Variants in DCDC1 observed in about 807,000 individuals in gnomAD.
DCDC1 encodes doublecortin domain containing 1, also known as doublecortin domain-containing protein 1.
In DCDC1, 200 loss-of-function variants were observed where a neutral mutation model predicts 178.3. The observed-to-expected ratio is 1.12, with a 90% CI of 1.00 to 1.26. DCDC1 has a LOEUF of 1.26. DCDC1 is among the 50% of genes most tolerant of loss of function. DCDC1 has a pLI of 0.00. For missense variants in DCDC1, 1,983 were observed against 1,749.2 expected (o/e 1.13, Z -2.38); for synonymous variants, 690 against 604.8 (o/e 1.14, Z -2.07).
intron 1 of DCDC1, among the ~76,000 whole-genome samples, chr11:31,361,861 C>G (rs1224859761): frequency 6.6e-6 from 1 of 152,194 alleles, no homozygotes; most frequent in East Asian, 1.9e-4. Context: ...AAATCCAACG[C>G]AGGAACTAAG....
chr11:30,915,459 TTAGGATCC>T (rs1229337231), intron 27 of DCDC1, 44 bp downstream of exon 27: 38 of 1,596,766 alleles, frequency 2.4e-5, no homozygotes, highest in Non-Finnish European at 3.2e-5. Context: ...GCTAGACTTA[TTAGGATCC>T]TATTCACCTT....
chr11:31,042,175 A>G (rs1264308765), intron 20 of DCDC1, among the ~76,000 whole-genome samples: 1 of 152,234 alleles, frequency 6.6e-6, no homozygotes, highest in Non-Finnish European at 1.5e-5. Context: ...ATGAGATTCA[A>G]TATTAGGATT....
intron 9 of DCDC1, among the ~76,000 whole-genome samples, chr11:31,165,039 T>C (rs1591280237): frequency 6.6e-6 from 1 of 152,186 alleles, no homozygotes; most frequent in Non-Finnish European, 1.5e-5. Flanking sequence ...TAATATGCTA[T>C]ACAGGTTTGT....
intron 20 of DCDC1, among the ~76,000 whole-genome samples, chr11:31,020,881 T>C (rs962373916): frequency 2.6e-5 from 4 of 152,132 alleles, no homozygotes; most frequent in Non-Finnish European, 4.4e-5. Context: ...CACAAAGGGG[T>C]GACTTCCCAT....
At chr11:30,965,475 C>G (rs974878846) in intron 20 of DCDC1, among the ~76,000 whole-genome samples, 2 of 151,884 alleles carry the variant, frequency 1.3e-5, no homozygotes, top group Admixed American at 1.3e-4. Flanking sequence ...GGGATGGGAC[C>G]CACACCATCC....
intron 20 of DCDC1, among the ~76,000 whole-genome samples, chr11:30,968,686 T>C (rs1449837081): frequency 1.5e-5 from 2 of 136,006 alleles, no homozygotes; most frequent in African/African-American, 2.9e-5. Context: ...TCAAATTATA[T>C]ATATCAAATT....
chr11:31,356,411 A>G (rs1164545496), intron 1 of DCDC1, among the ~76,000 whole-genome samples: 3 of 152,210 alleles, frequency 2.0e-5, no homozygotes, highest in Non-Finnish European at 4.4e-5. Flanking sequence ...ACAACACACC[A>G]GAATGTCTGG....
intron 20 of DCDC1, among the ~76,000 whole-genome samples, chr11:30,960,644 A>G (rs1949040361): frequency 6.6e-6 from 1 of 152,100 alleles, no homozygotes; most frequent in African/African-American, 2.4e-5. Context: ...CCCCTGGAGA[A>G]CTTGCTTCTA....
intron 20 of DCDC1, among the ~76,000 whole-genome samples, chr11:30,969,720 A>G (rs1013009524): frequency 1.6e-4 from 25 of 152,172 alleles, no homozygotes; most frequent in South Asian, 4.1e-4. Flanking sequence ...AGACTTTTTT[A>G]CTACAGATTT....
intron 20 of DCDC1, among the ~76,000 whole-genome samples, chr11:31,027,216 T>C (rs1181834484): frequency 1.3e-5 from 2 of 151,836 alleles, no homozygotes; most frequent in Non-Finnish European, 3.0e-5. Flanking sequence ...TTCATGTGCT[T>C]AAGGTCCAAT....
intron 15 of DCDC1, among the ~76,000 whole-genome samples, chr11:31,100,015 C>G (rs560739858): frequency 6.6e-6 from 1 of 152,076 alleles, no homozygotes; most frequent in South Asian, 2.1e-4. Flanking sequence ...CTGCACCCAG[C>G]TGATGGGCAG....
chr11:31,340,993 C>T (rs1950513249), intron 1 of DCDC1, among the ~76,000 whole-genome samples: 1 of 152,108 alleles, frequency 6.6e-6, no homozygotes, highest in African/African-American at 2.4e-5. Context: ...ATCTGGCAAG[C>T]AGTTAAGGAC....
chr11:31,306,797 T>G (rs1217564036), intron 4 of DCDC1, among the ~76,000 whole-genome samples: 1 of 152,088 alleles, frequency 6.6e-6, no homozygotes, highest in Non-Finnish European at 1.5e-5. Flanking sequence ...TAAGATTCTA[T>G]CCAAGTTTTC....
intron 9 of DCDC1, among the ~76,000 whole-genome samples, chr11:31,198,756 T>G (rs1401771088): frequency 6.6e-6 from 1 of 152,022 alleles, no homozygotes; most frequent in African/African-American, 2.4e-5. Flanking sequence ...CAGGAATAAT[T>G]TTGGAGTCTT....
At chr11:31,123,986 C>T (rs1330440027) in intron 11 of DCDC1, among the ~76,000 whole-genome samples, 1 of 152,010 alleles carries the variant, frequency 6.6e-6, no homozygotes, top group African/African-American at 2.4e-5. Context: ...AACAACATGG[C>T]TTCTTTGCAT....
chr11:31,218,861 C>T (rs184697620), intron 9 of DCDC1, among the ~76,000 whole-genome samples: 6 of 152,028 alleles, frequency 3.9e-5, no homozygotes, highest in African/African-American at 1.5e-4. Context: ...TGACAAGGTC[C>T]TAATTTTTAG....
At chr11:30,988,647 T>C (rs933182204) in intron 20 of DCDC1, among the ~76,000 whole-genome samples, 8 of 152,244 alleles carry the variant, frequency 5.3e-5, no homozygotes, top group Admixed American at 1.3e-4. Context: ...CTGGGCTGCA[T>C]TGGAGGAAGA....
chr11:31,199,021 A>G (rs987659036), intron 9 of DCDC1, among the ~76,000 whole-genome samples: 4 of 152,056 alleles, frequency 2.6e-5, no homozygotes, highest in African/African-American at 9.7e-5. Context: ...GATTGATTTT[A>G]TTTTTATTCA....
intron 25 of DCDC1, 93 bp from the exon 26 acceptor site, chr11:30,917,121 G>A (rs1484017452): frequency 8.3e-7 from 1 of 1,206,500 alleles, no homozygotes; most frequent in Non-Finnish European, 1.1e-6. Flanking sequence ...TATTCCACAG[G>A]ATGTTGGTGG....
Sources: allele counts gnomAD v4.1 joint callset (sites outside exome capture counted in the v4.1 genomes callset), GRCh38; gene constraint gnomAD v4.1.1; transcripts MANE v1.5; gene names NCBI Gene and HGNC (gene_info 2026-07-23, HGNC 2026-07-21).